Variants in COL24A1 observed in about 807,000 individuals in gnomAD.
COL24A1 encodes collagen type XXIV alpha 1 chain, also known as collagen alpha-1(XXIV) chain.
COL24A1 carries 224 observed loss-of-function variants against 253.9 expected under a neutral mutation model. That is an observed-to-expected ratio of 0.88 (90% CI 0.79 to 0.99). The LOEUF (loss-of-function observed/expected upper bound fraction) is 0.99. COL24A1 is among the 50% of genes least tolerant of loss of function. The pLI is 0.00. For synonymous variants in COL24A1, 685 were observed against 673.7 expected, an observed-to-expected ratio of 1.02 and a Z score of -0.26; for missense variants, 2,131 against 2,068.5, an observed-to-expected ratio of 1.03 and a Z score of -0.59.
intron 2 of COL24A1, among the ~76,000 whole-genome samples, chr1:86,129,831 G>A (rs1430390866): frequency 6.6e-6 from 1 of 151,776 alleles, no homozygotes; most frequent in Admixed American, 6.6e-5. Context: ...CATTTCATAA[G>A]CACTCGGAAA....
intron 48 of COL24A1, 57 bp from the exon 49 acceptor site, chr1:85,784,423 T>A: frequency 7.4e-7 from 1 of 1,345,308 alleles, no homozygotes; most frequent in Non-Finnish European, 1.1e-6. Flanking sequence ...ACATATTGGC[T>A]TTTGAATGAA....
Position 85,842,512 on chromosome 1 carries a change from T to A in COL24A1, c.3463-119A>T, listed in dbSNP as rs187338513. On this transcript the variant is annotated intron_variant, in intron 39 of 59. Transcript: ENST00000370571. ...AGATTTTTCATGGTTGAAATTTACC[T>A]AGTTTGAAATAGGAAAGCAAAAAAT... The A allele has an allele frequency of 1.6e-4, 114 of 699,240 alleles. 2 individuals are homozygous for A. The East Asian group carries it at 1.8e-3, about 11-fold the overall frequency. The allele number at this position is 699,240 out of a possible 1,614,324, so 43.3% of individuals were successfully genotyped here.
intron 20 of COL24A1, among the ~76,000 whole-genome samples, chr1:85,975,787 C>T (rs1404730510): frequency 6.6e-6 from 1 of 152,184 alleles, no homozygotes. Context: ...AGCAAAAAAA[C>T]TGTGAGTTCC....
At chr1:85,952,031 C>T (rs1438551148) in intron 24 of COL24A1, among the ~76,000 whole-genome samples, 2 of 152,064 alleles carry the variant, frequency 1.3e-5, no homozygotes, top group African/African-American at 4.8e-5. Context: ...CATCGGGCTG[C>T]TTAGTACAAT....
At chr1:85,921,764 A>C (rs1686530457) in intron 24 of COL24A1, among the ~76,000 whole-genome samples, 1 of 152,214 alleles carries the variant, frequency 6.6e-6, no homozygotes, top group Non-Finnish European at 1.5e-5. Flanking sequence ...CTTCCCCTCC[A>C]AAGGATCACA....
At chr1:86,142,097 T>C (rs1651180488) in intron 2 of COL24A1, among the ~76,000 whole-genome samples, 1 of 150,256 alleles carries the variant, frequency 6.7e-6, no homozygotes, top group East Asian at 1.9e-4. Flanking sequence ...ACAAAGACAA[T>C]GCAGAGAGCA....
chr1:85,970,226 C>T lies in COL24A1; in HGVS notation c.2463+1G>A, dbSNP rs1213022750. Reference sequence around the variant, plus strand: ...TGGAAAATTATTTATATGATACCTACTCTTGGCCCCAGTTCCCCAAAGGCT... The same window carrying T: ...TGGAAAATTATTTATATGATACCTATTCTTGGCCCCAGTTCCCCAAAGGCT... On this transcript the variant is annotated splice_donor_variant, in intron 22 of 59. Coordinates refer to ENST00000370571, the MANE Select transcript of COL24A1 (RefSeq NM_152890.7). LOFTEE classifies it high-confidence loss of function. 1.3e-6 allele frequency: 2 copies of T among 1,589,988 alleles called. No homozygotes were observed. Among genetic ancestry groups the T allele is most frequent in the Admixed American group, 1.8e-5 (1 of 57,032 alleles).
At chr1:85,999,608 A>G (rs2101040158) in intron 19 of COL24A1, among the ~76,000 whole-genome samples, 1 of 151,696 alleles carries the variant, frequency 6.6e-6, no homozygotes, top group African/African-American at 2.4e-5. Flanking sequence ...CAACAGAACA[A>G]GACCCTGTCT....
Position 85,944,692 on chromosome 1 carries a change from C to T in COL24A1, c.2562+16557G>A, listed in dbSNP as rs113833708. Among the ~76,000 whole-genome samples, 907 of 152,082 alleles carry T rather than the reference C, an allele frequency of 6.0e-3. 6 individuals are homozygous for T. Among genetic ancestry groups the T allele is most frequent in the African/African-American group, 0.02 (816 of 41,474 alleles). ...ATACATGTGCCATGATGGTGTGCTG[C>T]ACCCATTAACTCATCATTTAGCATT... On this transcript the variant is annotated intron_variant, in intron 24 of 59. Transcript: ENST00000370571.
intron 45 of COL24A1, 83 bp from the exon 46 acceptor site, chr1:85,818,170 AC>A: frequency 9.4e-7 from 1 of 1,064,200 alleles, no homozygotes; most frequent in Non-Finnish European, 1.4e-6. Context: ...TGAGACCTGG[AC>A]GCTGCAGCAA....
At chr1:85,918,934 C>T (rs1049208518) in intron 24 of COL24A1, among the ~76,000 whole-genome samples, 12 of 152,170 alleles carry the variant, frequency 7.9e-5, no homozygotes, top group Non-Finnish European at 2.9e-5. Context: ...CAGACTTGGC[C>T]ATATAATTTG....
At chr1:85,889,517 T>C in intron 32 of COL24A1, 43 bp downstream of exon 32, 1 of 1,529,742 alleles carries the variant, frequency 6.5e-7, no homozygotes, top group South Asian at 1.1e-5. Context: ...TAAATGTATT[T>C]TATGAGAAAG....
intron 2 of COL24A1, among the ~76,000 whole-genome samples, chr1:86,132,321 T>A (rs1183769787): frequency 6.6e-6 from 1 of 152,220 alleles, no homozygotes; most frequent in Admixed American, 6.5e-5. Flanking sequence ...AGGTTGCCTG[T>A]TCACTGTGAT....
At position 86,051,167 on chromosome 1, in the gene COL24A1, T is replaced by C. The variant is rs554608617; in HGVS notation, c.1852-990A>G. On this transcript the variant is annotated intron_variant, in intron 10 of 59. Transcript: ENST00000370571. The stretch of plus-strand genomic sequence containing the variant: ...AAATTTGAAGGTTTACGGGTCCAGA[T>C]CACTGGTTCAACAAACATTATTTTA... Among the ~76,000 whole-genome samples, 16 of 152,274 alleles carry C rather than the reference T, an allele frequency of 1.1e-4. No homozygotes were observed. In the South Asian group the frequency reaches 3.1e-3, roughly 30 times the overall value.
chr1:85,850,799 G>A (rs955316793), intron 37 of COL24A1, among the ~76,000 whole-genome samples: 1 of 152,070 alleles, frequency 6.6e-6, no homozygotes, highest in Non-Finnish European at 1.5e-5. Context: ...GAGAATGCAT[G>A]TAAACTTTAG....
At chr1:85,742,816 AT>A (rs1046839685) in intron 57 of COL24A1, among the ~76,000 whole-genome samples, 1 of 152,234 alleles carries the variant, frequency 6.6e-6, no homozygotes, top group East Asian at 1.9e-4. Flanking sequence ...TGAGGTTGTA[AT>A]TTTTTTGAAT....
chr1:86,109,423 C>A (rs1193600566), intron 5 of COL24A1, among the ~76,000 whole-genome samples: 1 of 152,124 alleles, frequency 6.6e-6, no homozygotes, highest in Non-Finnish European at 1.5e-5. Context: ...ATGTTAAGAG[C>A]TTTACTCACA....
rs568448481 is a variant in COL24A1 at position 85,855,259 on chromosome 1, A to C, written c.3301-5853T>G. On this transcript the variant is annotated intron_variant, in intron 37 of 59. Coordinates refer to ENST00000370571, the MANE Select transcript of COL24A1 (RefSeq NM_152890.7). ...TCTGACTGCTGTGACTGAGAGTTCC[A>C]GTACTATATTAAGTAGGAGTGGTGA... 1.1e-3 allele frequency among the ~76,000 whole-genome samples: 166 copies of C among 152,196 alleles called. 2 individuals are homozygous for C. Among genetic ancestry groups the C allele is most frequent in the Non-Finnish European group, 1.7e-3 (115 of 68,004 alleles).
At chr1:85,891,881 A>G (rs74097608) in intron 31 of COL24A1, among the ~76,000 whole-genome samples, 5,153 of 152,272 alleles carry the variant, frequency 0.034, 289 homozygotes, top group African/African-American at 0.12. Flanking sequence ...TATTGGGGAT[A>G]AAGAGGAAAA....
Sources: allele counts gnomAD v4.1 joint callset (sites outside exome capture counted in the v4.1 genomes callset), GRCh38; gene constraint gnomAD v4.1.1; transcripts MANE v1.5; gene names NCBI Gene and HGNC (gene_info 2026-07-23, HGNC 2026-07-21).